Variants in DLGAP1 observed in about 807,000 individuals in gnomAD.
DLGAP1 encodes the protein DLG associated protein 1.
A neutral mutation model predicts 90.8 loss-of-function variants in DLGAP1; 11 were observed. The ratio of observed to expected loss-of-function variants is 0.12; its 90% CI spans 0.08 to 0.20. The LOEUF is 0.20. Among genes scored for constraint, DLGAP1 ranks in the 10% least tolerant of loss-of-function variants. DLGAP1 has a pLI of 1.00. For missense variants in DLGAP1, 1,050 were observed against 1,333.8 expected, an observed-to-expected ratio of 0.79 and a Z score of 3.31; for synonymous variants, 558 against 540.7, an observed-to-expected ratio of 1.03 and a Z score of -0.44.
At chr18:3,508,410 C>G (rs1228271670) in intron 11 of DLGAP1, among the ~76,000 whole-genome samples, 160 bp downstream of exon 11, 1 of 152,116 alleles carries the variant, frequency 6.6e-6, no homozygotes, top group Non-Finnish European at 1.5e-5. Flanking sequence ...TTAAGACAAT[C>G]AGGAAATAAG....
chr18:3,724,629 C>T (rs530825687), intron 7 of DLGAP1, among the ~76,000 whole-genome samples: 2 of 151,960 alleles, frequency 1.3e-5, no homozygotes, highest in Admixed American at 6.6e-5. Flanking sequence ...CCTGTAATCC[C>T]AGCTACTCAG....
chr18:4,048,799 C>T (rs1345489093), intron 2 of DLGAP1, among the ~76,000 whole-genome samples: 1 of 152,204 alleles, frequency 6.6e-6, no homozygotes, highest in Non-Finnish European at 1.5e-5. Flanking sequence ...TGACTTTTGT[C>T]ACTATCTCTA....
chr18:3,524,954 A>T (rs1356735343), intron 10 of DLGAP1, among the ~76,000 whole-genome samples: 1 of 152,138 alleles, frequency 6.6e-6, no homozygotes, highest in African/African-American at 2.4e-5. Context: ...GCAGTTGCTG[A>T]TCTGCATTGC....
intron 1 of DLGAP1, among the ~76,000 whole-genome samples, chr18:4,355,742 CTTTTTTTT>C (rs56040788): frequency 3.2e-5 from 4 of 124,720 alleles, no homozygotes; most frequent in African/African-American, 1.2e-4. Flanking sequence ...AATCCGGGAT[CTTTTTTTT>C]TTTTTTTTTT....
intron 3 of DLGAP1, among the ~76,000 whole-genome samples, chr18:4,000,998 T>C (rs2074173206): frequency 6.6e-6 from 1 of 152,186 alleles, no homozygotes; most frequent in Non-Finnish European, 1.5e-5. Flanking sequence ...ATTTGTTCTT[T>C]CATTACATTG....
chr18:3,716,413 G>A (rs1036668907), intron 7 of DLGAP1, among the ~76,000 whole-genome samples: 81 of 152,158 alleles, frequency 5.3e-4, no homozygotes, highest in African/African-American at 1.9e-3. Context: ...GCTTGTGCCT[G>A]TGGTCCTAGC....
chr18:4,230,402 C>T (rs2078276798), intron 1 of DLGAP1, among the ~76,000 whole-genome samples: 1 of 152,012 alleles, frequency 6.6e-6, no homozygotes, highest in Admixed American at 6.6e-5. Context: ...TGTCCATCAA[C>T]AGATGAATGA....
intron 7 of DLGAP1, among the ~76,000 whole-genome samples, chr18:3,621,620 CTGTTT>C (rs1376589238): frequency 8.5e-5 from 13 of 152,198 alleles, no homozygotes; most frequent in African/African-American, 3.1e-4. Flanking sequence ...TACCTCACTT[CTGTTT>C]TCTATATGTT....
chr18:3,988,046 C>T (rs973935082), intron 3 of DLGAP1, among the ~76,000 whole-genome samples: 4 of 151,992 alleles, frequency 2.6e-5, no homozygotes, highest in Non-Finnish European at 5.9e-5. Context: ...AATAATTGTA[C>T]AACTCACCAT....
chr18:3,655,727 C>A, intron 7 of DLGAP1: 1 of 224,644 alleles, frequency 4.5e-6, no homozygotes, highest in Non-Finnish European at 8.7e-6. Flanking sequence ...CGCTCTAGAC[C>A]AGGCTCTGCT....
At chr18:3,504,535 C>T (rs2143683894) in intron 11 of DLGAP1, among the ~76,000 whole-genome samples, 1 of 152,226 alleles carries the variant, frequency 6.6e-6, no homozygotes, top group Non-Finnish European at 1.5e-5. Context: ...CAGGTGTGTG[C>T]CACCATGCCT....
intron 1 of DLGAP1, among the ~76,000 whole-genome samples, chr18:4,444,578 G>A (rs2083615373): frequency 1.3e-5 from 2 of 152,144 alleles, no homozygotes; most frequent in Admixed American, 1.3e-4. Flanking sequence ...AACTTGTTCA[G>A]CAAGTTGCTG....
intron 3 of DLGAP1, among the ~76,000 whole-genome samples, chr18:3,996,103 G>A (rs1243671042): frequency 2.0e-5 from 3 of 151,920 alleles, no homozygotes; most frequent in South Asian, 2.1e-4. Flanking sequence ...ATTTGATCTC[G>A]AATTTGGGGA....
chr18:4,224,871 A>C (rs2078152853), intron 1 of DLGAP1, among the ~76,000 whole-genome samples: 1 of 152,172 alleles, frequency 6.6e-6, no homozygotes. Flanking sequence ...GCAAGAAAGT[A>C]TTTACAGTAG....
chr18:4,146,725 T>C (rs1219237372), intron 2 of DLGAP1, among the ~76,000 whole-genome samples: 1 of 152,042 alleles, frequency 6.6e-6, no homozygotes, highest in African/African-American at 2.4e-5. Context: ...TGAGATACAT[T>C]AAAAAAACGA....
Position 3,892,855 on chromosome 18 carries a change from CTT to C in DLGAP1, c.-72-12717_-72-12716del, listed in dbSNP as rs1173367584. 2.3e-5 allele frequency among the ~76,000 whole-genome samples: 3 copies of C among 128,252 alleles called. No individual in the cohort carries two copies. The East Asian group carries it at 5.9e-4, about 25-fold the overall frequency. The allele number at this position is 128,252 out of a possible 152,430, so 84.1% of individuals were successfully genotyped here. On this transcript the variant is annotated intron_variant, in intron 3 of 12. Transcript: ENST00000315677. ...TCCATATTTTGTTCAAATCTAACCA[CTT>C]TCTCCTCTGGCTTTTTATATATATA...
At chr18:3,786,726 A>G (rs2065466640) in intron 5 of DLGAP1, among the ~76,000 whole-genome samples, 1 of 152,184 alleles carries the variant, frequency 6.6e-6, no homozygotes, top group Non-Finnish European at 1.5e-5. Context: ...GGAAAATAGG[A>G]GTGAATGACT....
chr18:3,782,474 A>T (rs1371074218), intron 5 of DLGAP1, among the ~76,000 whole-genome samples: 2 of 152,194 alleles, frequency 1.3e-5, no homozygotes, highest in Non-Finnish European at 2.9e-5. Flanking sequence ...TTCGGCACAA[A>T]ACAAAGACTA....
chr18:3,765,363 C>T (rs996419213), intron 5 of DLGAP1, among the ~76,000 whole-genome samples: 1 of 150,790 alleles, frequency 6.6e-6, no homozygotes, highest in Non-Finnish European at 1.5e-5. Flanking sequence ...ATCTCCTGAC[C>T]TCATGATCTG....
Sources: allele counts gnomAD v4.1 joint callset (sites outside exome capture counted in the v4.1 genomes callset), GRCh38; gene constraint gnomAD v4.1.1; transcripts MANE v1.5; gene names NCBI Gene and HGNC (gene_info 2026-07-23, HGNC 2026-07-21).